Variants in NRXN1 observed in about 807,000 individuals in gnomAD.
NRXN1 encodes neurexin-1.
NRXN1 carries 39 observed loss-of-function variants against 150.9 expected under a neutral mutation model. The observed-to-expected ratio is 0.26, with a 90% CI of 0.20 to 0.34. The LOEUF (loss-of-function observed/expected upper bound fraction) is 0.34, where lower values mean the gene tolerates loss of function less well. Ranked by LOEUF, NRXN1 falls within the 10% of genes least tolerant of loss-of-function variation. NRXN1 has a pLI of 1.00. For synonymous variants in NRXN1, 924 were observed against 757.0 expected (o/e 1.22, Z -3.62); for missense variants, 1,815 against 1,949.9 (o/e 0.93, Z 1.30).
At chr2:50,215,737 A>G (rs577181430) in intron 18 of NRXN1, among the ~76,000 whole-genome samples, 29 of 152,094 alleles carry the variant, frequency 1.9e-4, no homozygotes, top group Non-Finnish European at 2.1e-4. Flanking sequence ...ATATTAAAAA[A>G]TCAGGACAAT....
At chr2:50,077,685 A>T (rs1697312606) in intron 19 of NRXN1, among the ~76,000 whole-genome samples, 1 of 152,110 alleles carries the variant, frequency 6.6e-6, no homozygotes, top group African/African-American at 2.4e-5. Context: ...AAACCAAAAT[A>T]TTCCTTTATT....
intron 18 of NRXN1, among the ~76,000 whole-genome samples, chr2:50,143,865 G>T (rs921133414): frequency 6.6e-6 from 1 of 151,782 alleles, no homozygotes; most frequent in Non-Finnish European, 1.5e-5. Context: ...AAGCTTCAAA[G>T]GCATTTCCAA....
intron 21 of NRXN1, among the ~76,000 whole-genome samples, chr2:50,039,832 T>C (rs1026408808): frequency 6.6e-6 from 1 of 152,146 alleles, no homozygotes; most frequent in Non-Finnish European, 1.5e-5. Context: ...AAAACAAATA[T>C]GATTCAAATA....
intron 18 of NRXN1, among the ~76,000 whole-genome samples, chr2:50,149,118 G>C (rs1366948817): frequency 6.6e-6 from 1 of 151,734 alleles, no homozygotes; most frequent in East Asian, 1.9e-4. Context: ...TCATTGCTAT[G>C]AAAGAGGCTA....
intron 17 of NRXN1, among the ~76,000 whole-genome samples, chr2:50,423,541 A>T (rs920819101): frequency 6.6e-6 from 1 of 152,160 alleles, no homozygotes; most frequent in African/African-American, 2.4e-5. Flanking sequence ...TACCAGTTCC[A>T]TTGCCCTAGA....
At chr2:50,883,230 T>C (rs1281508269) in intron 5 of NRXN1, among the ~76,000 whole-genome samples, 1 of 151,870 alleles carries the variant, frequency 6.6e-6, no homozygotes, top group African/African-American at 2.4e-5. Context: ...AAATCCGAAA[T>C]GGTCTTCATG....
chr2:50,544,646 T>C (rs897766863), intron 9 of NRXN1, among the ~76,000 whole-genome samples: 5 of 152,092 alleles, frequency 3.3e-5, no homozygotes, highest in Non-Finnish European at 5.9e-5. Context: ...TCAATAACTG[T>C]AGATAAGAAT....
intron 8 of NRXN1, among the ~76,000 whole-genome samples, chr2:50,573,837 G>A (rs1671015617): frequency 6.6e-6 from 1 of 151,856 alleles, no homozygotes. Flanking sequence ...CATTGTATTA[G>A]GTATTATAAG....
intron 18 of NRXN1, among the ~76,000 whole-genome samples, chr2:50,182,852 A>T (rs2060823381): frequency 6.6e-6 from 1 of 152,094 alleles, no homozygotes; most frequent in Non-Finnish European, 1.5e-5. Flanking sequence ...TGCTCTTATC[A>T]CATTATTCAT....
At chr2:50,951,543 C>T (rs186419147) in intron 2 of NRXN1, among the ~76,000 whole-genome samples, 44 of 152,008 alleles carry the variant, frequency 2.9e-4, no homozygotes, top group Non-Finnish European at 4.1e-4. Context: ...CTATGCAAAC[C>T]TGGAGGAGTT....
chr2:50,527,216 A>G (rs2092977404), intron 12 of NRXN1, among the ~76,000 whole-genome samples: 1 of 152,208 alleles, frequency 6.6e-6, no homozygotes, highest in Non-Finnish European at 1.5e-5. Context: ...GAAAACCTAC[A>G]GCCAGAGTGA....
intron 5 of NRXN1, among the ~76,000 whole-genome samples, chr2:50,769,631 C>T (rs1186618211): frequency 6.6e-6 from 1 of 152,030 alleles, no homozygotes. Flanking sequence ...TGGAAACGGC[C>T]TGATTACAAC....
chr2:50,549,025 C>T (rs1461419430), intron 9 of NRXN1, among the ~76,000 whole-genome samples: 1 of 152,082 alleles, frequency 6.6e-6, no homozygotes, highest in Non-Finnish European at 1.5e-5. Flanking sequence ...ACCCTCTTGT[C>T]ATAGCAGTAC....
chr2:50,042,253 A>T (rs1691098421), intron 21 of NRXN1, among the ~76,000 whole-genome samples: 1 of 152,142 alleles, frequency 6.6e-6, no homozygotes, highest in South Asian at 2.1e-4. Context: ...CTCATCTTGA[A>T]TTGTAGTTCC....
intron 18 of NRXN1, among the ~76,000 whole-genome samples, chr2:50,196,814 A>G (rs2061799920): frequency 6.6e-6 from 1 of 152,152 alleles, no homozygotes; most frequent in Non-Finnish European, 1.5e-5. Context: ...GGAACAGAAA[A>G]CCAAATACTG....
At chr2:50,058,121 T>G (rs1052874827) in intron 19 of NRXN1, among the ~76,000 whole-genome samples, 5 of 152,210 alleles carry the variant, frequency 3.3e-5, no homozygotes, top group African/African-American at 1.2e-4. Context: ...CTAGTACTAA[T>G]AAAATAATTG....
rs2080434610 is a variant in NRXN1, at chr2:50,375,674, G to C, written c.3364+89768C>G. On this transcript the variant is annotated intron_variant, in intron 17 of 22. Transcript: ENST00000401669. ...TTGAAAGACTATTACTATTGCAATA[G>C]CAATAGTCAAACTGAAGCCTATAGA... Among the ~76,000 whole-genome samples the C allele has an allele frequency of 2.6e-5, 4 of 151,044 alleles. No individual in the cohort carries two copies. The South Asian group carries it at 8.3e-4, about 31-fold the overall frequency.
chr2:50,621,364 G>T, intron 6 of NRXN1, 115 bp from the exon 7 acceptor site: 1 of 743,766 alleles, frequency 1.3e-6, no homozygotes, highest in Non-Finnish European at 2.2e-6. Context: ...TCAGGTAACG[G>T]TTAGTAGAAT....
chr2:50,596,722 T>C (rs1184172104), intron 8 of NRXN1, among the ~76,000 whole-genome samples: 1 of 152,154 alleles, frequency 6.6e-6, no homozygotes, highest in Non-Finnish European at 1.5e-5. Flanking sequence ...AAGGGACCCA[T>C]CTGTCTATCT....
Sources: gnomAD v4.1 joint callset for allele counts (sites outside exome capture counted in the v4.1 genomes callset) on GRCh38, gnomAD v4.1.1 for gene constraint, MANE v1.5 for transcripts, NCBI Gene and HGNC (gene_info 2026-07-23, HGNC 2026-07-21) for gene names.